RIPOR2: variants seen among roughly 807,000 people sequenced by gnomAD.
RIPOR2 encodes the protein RHO family interacting cell polarization regulator 2.
A neutral mutation model predicts 114.5 loss-of-function variants in RIPOR2; 39 were observed. The observed-to-expected ratio is 0.34, with a 90% CI of 0.26 to 0.44. RIPOR2 has a LOEUF of 0.44. RIPOR2 is among the 20% of genes least tolerant of loss of function. RIPOR2 has a pLI of 1.00. For missense variants in RIPOR2, 1,007 were observed against 1,255.1 expected (o/e 0.80, Z 2.99); for synonymous variants, 445 against 484.4 (o/e 0.92, Z 1.07).
Position 24,860,990 on chromosome 6 carries a change from A to T in RIPOR2, c.698T>A (p.Phe233Tyr). The T allele has an allele frequency of 3.7e-6, 6 of 1,607,586 alleles. No homozygotes were observed. The highest frequency in any genetic ancestry group is 5.1e-6 in the Non-Finnish European group (6 of 1,175,158). The change falls in exon 8 of 22, where the codon TTC (phenylalanine) becomes TAC (tyrosine). Residue 233 changes from phenylalanine (F) to tyrosine (Y), a missense_variant. Physicochemically the swap from Phe to Tyr is conservative, Grantham distance 22. Coordinates refer to ENST00000643898, the MANE Select transcript of RIPOR2 (RefSeq NM_001286445.3). Reference sequence around the variant, plus strand: ...AATAATACCTTTCATCTTGATGGAGAATTCTCCCAGCAGATTCTCTAGCTC... The same window carrying T: ...AATAATACCTTTCATCTTGATGGAGTATTCTCCCAGCAGATTCTCTAGCTC... ...EVELENLLGE[F>Y]SIKMKGLAGF...
intron 1 of RIPOR2, among the ~76,000 whole-genome samples, chr6:24,962,404 G>C (rs1206576471): frequency 6.6e-6 from 1 of 152,108 alleles, no homozygotes; most frequent in East Asian, 1.9e-4. Flanking sequence ...TGGAGGTCGG[G>C]GAGAATAATT....
intron 1 of RIPOR2, among the ~76,000 whole-genome samples, chr6:24,888,565 A>T (rs1013676899): frequency 6.6e-6 from 1 of 152,222 alleles, no homozygotes; most frequent in African/African-American, 2.4e-5. Flanking sequence ...GTGTGCTGGG[A>T]AGTATAATTA....
Position 25,024,226 on chromosome 6 carries a change from G to C in RIPOR2, c.76+17625C>G. The C allele has an allele frequency of 4.6e-6, 7 of 1,518,730 alleles. No homozygotes were observed. The South Asian group carries it at 6.8e-5, about 15-fold the overall frequency. 94.1% of individuals were successfully genotyped at this position (1,518,730 alleles called of 1,614,324 possible). On this transcript the variant is annotated intron_variant, in intron 1 of 13. Coordinates refer to the RIPOR2 transcript ENST00000510784. ...GCGAGAAAGGTGCCCAGGAGGTAGC[G>C]GTCCTCATACAGTGTGCTGGACTGG...
At chr6:25,019,843 TATG>T (rs1194247873) in intron 1 of RIPOR2, among the ~76,000 whole-genome samples, 1 of 148,278 alleles carries the variant, frequency 6.7e-6, no homozygotes, top group Non-Finnish European at 1.5e-5. Context: ...TGTCAATAAG[TATG>T]ATAATATACT....
intron 3 of RIPOR2, 140 bp downstream of exon 3, chr6:24,873,504 T>C: frequency 1.4e-6 from 1 of 729,076 alleles, no homozygotes; most frequent in Non-Finnish European, 2.3e-6. Context: ...CTGGGACTTA[T>C]GTCAGGCTTC....
At chr6:25,002,207 T>C (rs540773787) in intron 1 of RIPOR2, among the ~76,000 whole-genome samples, 1 of 152,220 alleles carries the variant, frequency 6.6e-6, no homozygotes, top group Non-Finnish European at 1.5e-5. Flanking sequence ...GAGCATTCAG[T>C]AAATGGCATT....
At chr6:24,952,988 A>G (rs1772851254) in intron 1 of RIPOR2, among the ~76,000 whole-genome samples, 1 of 152,200 alleles carries the variant, frequency 6.6e-6, no homozygotes, top group African/African-American at 2.4e-5. Flanking sequence ...AATTTCATAT[A>G]TAGAAGTCCT....
intron 1 of RIPOR2, among the ~76,000 whole-genome samples, chr6:24,891,738 C>T (rs1477559885): frequency 2.6e-5 from 4 of 151,206 alleles, no homozygotes; most frequent in African/African-American, 7.4e-5. Context: ...CAGAGGCCCA[C>T]GTAACTCCTG....
chr6:24,884,894 T>C (rs562045314), intron 1 of RIPOR2, among the ~76,000 whole-genome samples: 6 of 152,218 alleles, frequency 3.9e-5, no homozygotes, highest in African/African-American at 1.2e-4. Context: ...AAACCACAGA[T>C]TATTATAATG....
At chr6:24,890,378 T>C (rs911639808) in intron 1 of RIPOR2, among the ~76,000 whole-genome samples, 1 of 152,176 alleles carries the variant, frequency 6.6e-6, no homozygotes, top group Non-Finnish European at 1.5e-5. Flanking sequence ...GGCCATTATC[T>C]TAAGTGAAAC....
chr6:24,882,080 C>T (rs1766402525), intron 1 of RIPOR2, among the ~76,000 whole-genome samples: 1 of 152,128 alleles, frequency 6.6e-6, no homozygotes, highest in African/African-American at 2.4e-5. Context: ...ATGTGGCAGG[C>T]CCATGCAGCA....
chr6:24,923,496 C>T (rs989034606), intron 1 of RIPOR2, among the ~76,000 whole-genome samples: 2 of 152,004 alleles, frequency 1.3e-5, no homozygotes, highest in Non-Finnish European at 2.9e-5. Context: ...CAAAAGTGGC[C>T]GAGAGTTTCC....
At chr6:25,019,497 C>T (rs1458966451) in intron 1 of RIPOR2, among the ~76,000 whole-genome samples, 2 of 151,864 alleles carry the variant, frequency 1.3e-5, no homozygotes, top group African/African-American at 2.4e-5. Context: ...CGGCGGGGCG[C>T]GGTGGCTCAC....
Position 24,843,698 on chromosome 6 carries a change from C to CGT in RIPOR2, c.1165-146_1165-145dup, listed in dbSNP as rs34540028. 13,336 of 367,830 alleles carry CGT rather than the reference C, an allele frequency of 0.036. 278 individuals are homozygous for CGT. The highest frequency in any genetic ancestry group is 0.059 in the Admixed American group (1,309 of 22,260). 22.8% of individuals were successfully genotyped at this position (367,830 alleles called of 1,614,324 possible). A position where few individuals can be genotyped will look rare whatever the true frequency, so the allele number is the denominator to read the frequency against. ...ATGTTAGCATTTTATTTGTTGATGC[C>CGT]GTGTGTGTGTGTGTGTGTGTGTGTG... is the stretch of plus-strand genomic sequence containing the variant. On this transcript the variant is annotated intron_variant, in intron 12 of 21. Transcript: ENST00000643898.
chr6:24,808,247 C>T (rs1049848989), intron 21 of RIPOR2, among the ~76,000 whole-genome samples: 31 of 152,182 alleles, frequency 2.0e-4, no homozygotes, highest in Admixed American at 5.9e-4. Context: ...CAGTGAGGCC[C>T]GGGGCACATT....
chr6:24,822,411 G>A (rs1292354418), intron 19 of RIPOR2, among the ~76,000 whole-genome samples: 1 of 152,208 alleles, frequency 6.6e-6, no homozygotes, highest in Admixed American at 6.5e-5. Context: ...TAACATGCTA[G>A]GTGATAGGGC....
intron 1 of RIPOR2, among the ~76,000 whole-genome samples, chr6:25,035,003 T>TC (rs1777172676): frequency 2.6e-5 from 4 of 152,238 alleles, no homozygotes; most frequent in African/African-American, 9.6e-5. Context: ...CAGAAGCAAG[T>TC]ATTCTTCTGA....
At chr6:24,926,823 AATCATC>A (rs372184754) in intron 1 of RIPOR2, among the ~76,000 whole-genome samples, 3 of 151,208 alleles carry the variant, frequency 2.0e-5, no homozygotes, top group Non-Finnish European at 3.0e-5. Context: ...TTGAGTGGTT[AATCATC>A]ATCATCATCA....
chr6:25,011,040 A>C (rs1775755674), intron 1 of RIPOR2, among the ~76,000 whole-genome samples: 1 of 152,168 alleles, frequency 6.6e-6, no homozygotes, highest in Admixed American at 6.5e-5. Context: ...TCTGCCTTCA[A>C]ATATCTTCCC....
Sources: gnomAD v4.1 joint callset for allele counts (sites outside exome capture counted in the v4.1 genomes callset) on GRCh38, gnomAD v4.1.1 for gene constraint, MANE v1.5 for transcripts, NCBI Gene and HGNC (gene_info 2026-07-23, HGNC 2026-07-21) for gene names.